The following SIGLEC11 variants were observed in gnomAD, a reference collection of about 807,000 sequenced individuals.
The protein encoded by SIGLEC11 is sialic acid binding Ig like lectin 11.
In SIGLEC11, 47 loss-of-function variants were observed where a neutral mutation model predicts 61.2. That is an observed-to-expected ratio of 0.77 (90% confidence interval 0.61 to 0.98). The LOEUF (loss-of-function observed/expected upper bound fraction) is 0.98, where lower values mean the gene tolerates loss of function less well. SIGLEC11 is among the 50% of genes least tolerant of loss of function. The pLI, the probability that SIGLEC11 is intolerant of heterozygous loss-of-function variation, is 0.00. For missense variants in SIGLEC11, 610 were observed against 870.3 expected (o/e 0.70, Z 3.76); for synonymous variants, 278 against 373.1 (o/e 0.75, Z 2.94).
Position 49,949,370 on chromosome 19 carries a change from TCAA to T in SIGLEC11, c.*597_*599del, listed in dbSNP as rs935632778. On this transcript the variant is annotated 3_prime_UTR_variant, in exon 11 of 11. Coordinates refer to ENST00000447370, the MANE Select transcript of SIGLEC11 (RefSeq NM_052884.3). ...CTCTTCTGAAGGAAGAGCATGGTCA[TCAA>T]CGGGGAATGGCAGTTGCAGCAAACA... is the stretch of plus-strand genomic sequence containing the variant. The T allele has an allele frequency of 6.6e-6, 1 of 151,748 alleles. No homozygotes were observed. The highest frequency in any genetic ancestry group is 2.4e-5 in the African/African-American group (1 of 41,238). 9.4% of individuals were successfully genotyped at this position (151,748 alleles called of 1,614,324 possible). A position where few individuals can be genotyped will look rare whatever the true frequency, so the allele number is the denominator to read the frequency against.
rs781103167 is a variant in SIGLEC11 at position 49,951,925 on chromosome 19, T to C, written c.1796A>G (p.Gln599Arg). Residue 599 changes from glutamine to arginine, a missense_variant, in exon 10 of 11, where the codon CAG becomes CGG. This residue lies in a region of SIGLEC11 where 432 missense variants were observed against 441.5 expected (regional missense o/e 0.98). Coordinates refer to ENST00000447370, the MANE Select transcript of SIGLEC11 (RefSeq NM_052884.3). The surrounding 1 kb of genome is among the most constrained non-coding windows in gnomAD (Gnocchi z 4.6). ...KEARKRAAAEQDVPSTLGPIS... is the reference protein window; with the variant it reads ...KEARKRAAAERDVPSTLGPIS... ...GGGTCCCAGGGTGGAGGGCACGTCC[T>C]GCTCAGCTGCTGCCCTCTTGCGAGC... 6.2e-7 allele frequency: 1 copy of C among 1,610,812 alleles called. No individual in the cohort carries two copies. The highest frequency in any genetic ancestry group is 8.5e-7 in the Non-Finnish European group (1 of 1,178,764).
At chr19:49,950,772 A>G (rs1314218608) in intron 10 of SIGLEC11, among the ~76,000 whole-genome samples, 2 of 152,196 alleles carry the variant, frequency 1.3e-5, no homozygotes, top group South Asian at 2.1e-4. Context: ...TGAAGTTACT[A>G]TCTAATTGCA....
rs146046433 is a variant in SIGLEC11, at chr19:49,951,824, G to A, written c.1830+67C>T. 2.4e-5 allele frequency: 32 copies of A among 1,352,432 alleles called. No homozygotes were observed. The highest frequency in any genetic ancestry group is 3.1e-5 in the Non-Finnish European group (31 of 996,014). The allele number at this position is 1,352,432 out of a possible 1,614,324, so 83.8% of individuals were successfully genotyped here. ...CAATGATTCTGCAAGTCACCAAGAG[G>A]ACTACCCATGGCCATCAAGGAAAGG... is the stretch of plus-strand genomic sequence containing the variant. On this transcript the variant is annotated intron_variant, in intron 10 of 10. Coordinates refer to ENST00000447370, the MANE Select transcript of SIGLEC11 (RefSeq NM_052884.3). This position sits in a 1 kb window ranked among gnomAD's most constrained non-coding sequence, Gnocchi z 4.6.
Position 49,960,530 on chromosome 19 carries a change from G to A in SIGLEC11, c.460+22C>T, listed in dbSNP as rs377215844. 7.8e-5 allele frequency: 125 copies of A among 1,595,180 alleles called. No individual in the cohort carries two copies. The African/African-American group carries it at 1.6e-3, about 20-fold the overall frequency. On this transcript the variant is annotated intron_variant, in intron 2 of 10. Coordinates refer to ENST00000447370, the MANE Select transcript of SIGLEC11 (RefSeq NM_052884.3). ...GGTCCCTCCCCAGTGTGACAGGCAG[G>A]GGTTCCCACCCCATTCCATACCTGT...
At chr19:49,956,228 A>G (rs796415627) in intron 8 of SIGLEC11, among the ~76,000 whole-genome samples, 2 of 152,220 alleles carry the variant, frequency 1.3e-5, no homozygotes, top group Non-Finnish European at 2.9e-5. Context: ...ATTATCAGGA[A>G]ATACTGTGTT....
chr19:49,951,903 TC>T lies in SIGLEC11; in HGVS notation c.1817del (p.Gly606AspfsTer47). On this transcript the variant is annotated frameshift_variant, in exon 10 of 11. Coordinates refer to ENST00000447370, the MANE Select transcript of SIGLEC11 (RefSeq NM_052884.3). LOFTEE classifies it low-confidence loss of function (END_TRUNC). This position sits in a 1 kb window ranked among gnomAD's most constrained non-coding sequence, Gnocchi z 4.6. The stretch of plus-strand genomic sequence containing the variant: ...GCTGGGCTCTCACCTGGGAGATGGG[TC>T]CCAGGGTGGAGGGCACGTCCTGCTC... ...AAEQDVPSTL[G>X]PISQGHQHEC... 6.2e-7 allele frequency: 1 copy of T among 1,605,870 alleles called. No individual in the cohort carries two copies. The highest frequency in any genetic ancestry group is 8.5e-7 in the Non-Finnish European group (1 of 1,176,448).
chr19:49,950,123 G>C lies in SIGLEC11; in HGVS notation c.1944C>G (p.Ser648Arg). Residue 648 changes from serine (S) to arginine (R), a missense_variant, in exon 11 of 11, where the codon AGC becomes AGG. Ser to Arg is a moderately radical substitution (Grantham distance 110). This residue lies in a region of SIGLEC11 where 432 missense variants were observed against 441.5 expected (regional missense o/e 0.98). Transcript: ENST00000447370. ...GCTCCCAGAGCCTCAGGCCCTGGAA[G>C]CTGAGGGAGGCATAGTGGAGCTCCT... ...EEQELHYASLSFQGLRLWEPA... is the reference protein window; with the variant it reads ...EEQELHYASLRFQGLRLWEPA... The C allele has an allele frequency of 6.2e-7, 1 of 1,612,658 alleles. No individual in the cohort carries two copies.
At chr19:49,950,352 C>G in intron 10 of SIGLEC11, 116 bp from the exon 11 acceptor site, 1 of 1,151,108 alleles carries the variant, frequency 8.7e-7, no homozygotes, top group Non-Finnish European at 1.2e-6. Context: ...ACTCATTCCA[C>G]AAAGGTCAGC....
At chr19:49,958,018 C>A (rs555755695) in intron 8 of SIGLEC11, among the ~76,000 whole-genome samples, 120 of 152,094 alleles carry the variant, frequency 7.9e-4, no homozygotes, top group African/African-American at 1.9e-3. Context: ...ACAAAAAAAA[C>A]CCCTTCTTTG....
chr19:49,960,462 G>A, intron 2 of SIGLEC11, 41 bp from the exon 3 acceptor site: 1 of 1,593,172 alleles, frequency 6.3e-7, no homozygotes, highest in Non-Finnish European at 8.5e-7. Context: ...TGCTGCAGGG[G>A]TCCCTGAGAG....
rs758171677 is a variant in SIGLEC11, at chr19:49,958,326, GT to G, written c.1607del (p.Asn536ThrfsTer49). The G allele has an allele frequency of 6.2e-7, 1 of 1,614,226 alleles. No individual in the cohort carries two copies. Among genetic ancestry groups the G allele is most frequent in the Non-Finnish European group, 8.5e-7 (1 of 1,180,052 alleles). On this transcript the variant is annotated frameshift_variant, in exon 8 of 11. Coordinates refer to ENST00000447370, the MANE Select transcript of SIGLEC11 (RefSeq NM_052884.3). LOFTEE classifies it high-confidence loss of function. ...SGLRLRCKAW[N>X]VHGAQSGSVF... ...CAGAGCCACTCTGGGCCCCGTGGAC[GT>G]TCCAGGCCTTACAGCGGAGCCTGAG...
chr19:49,960,981 G>C, intron 1 of SIGLEC11, 25 bp downstream of exon 1: 1 of 1,272,900 alleles, frequency 7.9e-7, no homozygotes, highest in Non-Finnish European at 1.1e-6. Flanking sequence ...CCCTGCCTGG[G>C]ACCCCCAGCC....
rs201942673 is a variant in SIGLEC11, at chr19:49,950,094, G to A, written c.1973C>T (p.Ala658Val). ...GGTGGTGCTGGGGGCCTCCTGGTCC[G>A]CAGGCTCCCAGAGCCTCAGGCCCTG... ...SFQGLRLWEP[A>V]DQEAPSTTEY... Residue 658 changes from alanine to valine, a missense_variant, in exon 11 of 11, where the codon GCG becomes GTG. Ala to Val is a moderately conservative substitution (Grantham distance 64). Transcript: ENST00000447370. The A allele has an allele frequency of 1.2e-4, 195 of 1,610,726 alleles. No individual in the cohort carries two copies. The highest frequency in any genetic ancestry group is 1.2e-3 in the Middle Eastern group (7 of 6,050).
In SIGLEC11 at chr19:49,958,742, C is replaced by G; in HGVS notation, c.1264G>C (p.Glu422Gln). The change falls in exon 7 of 11, where the codon GAG becomes CAG. Residue 422 changes from glutamate (E) to glutamine (Q), a missense_variant. Glu to Gln is a conservative substitution (Grantham distance 29, BLOSUM62 2). Around this residue, in one of 6 missense-constraint regions of SIGLEC11, gnomAD observed 432 missense variants for 441.5 expected, o/e 0.98. Transcript: ENST00000447370. ...PSQPSDPGVL[E>Q]LPPIQMEHEG... ...TGCTCCATTTGAATGGGTGGCAGCT[C>G]CAGGACCCCGGGGTCTGAGGGCTGG... 3 of 1,613,866 alleles carry G rather than the reference C, an allele frequency of 1.9e-6. No individual in the cohort carries two copies. The highest frequency in any genetic ancestry group is 1.3e-5 in the African/African-American group (1 of 75,022).
Position 49,955,812 on chromosome 19 carries a change from G to C in SIGLEC11, c.1651+2471C>G, listed in dbSNP as rs946743653. Among the ~76,000 whole-genome samples, 45 of 152,112 alleles carry C rather than the reference G, an allele frequency of 3.0e-4. No homozygotes were observed. The highest frequency in any genetic ancestry group is 5.3e-4 in the Non-Finnish European group (36 of 67,994). On this transcript the variant is annotated intron_variant, in intron 8 of 10. Coordinates refer to ENST00000447370, the MANE Select transcript of SIGLEC11 (RefSeq NM_052884.3). This position sits in a 1 kb window ranked among gnomAD's most constrained non-coding sequence, Gnocchi z 4.5. The stretch of plus-strand genomic sequence containing the variant: ...TAGCCGGGCTTGGTGGCGGGCGCCT[G>C]TAGTCCCAGCTACTCGGGAGGCTGA...
chr19:49,959,682 G>GGGGGGC, intron 4 of SIGLEC11, 59 bp from the exon 5 acceptor site: 2 of 164,076 alleles, frequency 1.2e-5, no homozygotes, highest in East Asian at 1.1e-4. Context: ...GGGAGGGGGG[G>GGGGGGC]CTGCAAAGAG....
chr19:49,950,114 G>T lies in SIGLEC11; in HGVS notation c.1953C>A (p.Gly651=), dbSNP rs1407479243. The part of the protein sequence containing the change: ...ELHYASLSFQ[G]LRLWEPADQE... ...GGTCCGCAGGCTCCCAGAGCCTCAG[G>T]CCCTGGAAGCTGAGGGAGGCATAGT... The change falls in exon 11 of 11, where the codon GGC becomes GGA. Residue 651 remains glycine, a synonymous_variant. Transcript: ENST00000447370. 21 of 1,613,144 alleles carry T rather than the reference G, an allele frequency of 1.3e-5. No individual in the cohort carries two copies. The highest frequency in any genetic ancestry group is 1.8e-5 in the Non-Finnish European group (21 of 1,179,566).
rs1465305169 is a variant in SIGLEC11, at chr19:49,956,038, C to T, written c.1651+2245G>A. Among the ~76,000 whole-genome samples the T allele has an allele frequency of 4.6e-5, 7 of 152,080 alleles. 1 individual carries two copies. The highest frequency in any genetic ancestry group is 2.0e-4 in the Admixed American group (3 of 15,258). On this transcript the variant is annotated intron_variant, in intron 8 of 10. Coordinates refer to ENST00000447370, the MANE Select transcript of SIGLEC11 (RefSeq NM_052884.3). ...TCCTTTAGCAGAAAACCTGTTTGCT[C>T]GGCTGCCTAAAAACATTGTCGGCAG...
Position 49,949,785 on chromosome 19 carries a change from T to G in SIGLEC11, c.*185A>C. 1 of 502,358 alleles carries G rather than the reference T, an allele frequency of 2.0e-6. No homozygotes were observed. The highest frequency in any genetic ancestry group is 3.1e-6 in the Non-Finnish European group (1 of 324,140). 31.1% of individuals were successfully genotyped at this position (502,358 alleles called of 1,614,324 possible). On this transcript the variant is annotated 3_prime_UTR_variant, in exon 11 of 11. Transcript: ENST00000447370. ...TCAACCTGGCAGGTTGAGGCTACAG[T>G]GAGCTGAGATTGCACCACTGGACTC...
Sources: allele counts gnomAD v4.1 joint callset (sites outside exome capture counted in the v4.1 genomes callset), GRCh38; gene constraint gnomAD v4.1.1; regional missense constraint gnomAD v4.1.1; non-coding constraint Gnocchi (gnomAD v3.1); transcripts MANE v1.5; gene names NCBI Gene and HGNC (gene_info 2026-07-23, HGNC 2026-07-21).